The following PDCD1LG2 variants were observed in gnomAD, a reference collection of about 807,000 sequenced individuals.
The protein encoded by PDCD1LG2 is programmed cell death 1 ligand 2.
Under a neutral mutation model 28.2 loss-of-function variants are expected in PDCD1LG2, and 32 were observed. The observed-to-expected ratio is 1.13, with a 90% CI of 0.86 to 1.52. The LOEUF (loss-of-function observed/expected upper bound fraction) is 1.52. Among genes scored for constraint, PDCD1LG2 ranks in the 40% most tolerant of loss-of-function variants. The pLI is 0.00. For missense variants in PDCD1LG2, 385 were observed against 323.8 expected, an observed-to-expected ratio of 1.19 and a Z score of -1.45; for synonymous variants, 116 against 120.2, an observed-to-expected ratio of 0.97 and a Z score of 0.23.
intron 1 of PDCD1LG2, among the ~76,000 whole-genome samples, chr9:5,521,492 G>A (rs916517580): frequency 2.0e-5 from 3 of 151,918 alleles, no homozygotes; most frequent in South Asian, 2.1e-4. Flanking sequence ...CTCGCCAACA[G>A]ACCACTTCTC....
chr9:5,542,653 G>C (rs1265978075), intron 3 of PDCD1LG2, among the ~76,000 whole-genome samples: 1 of 152,132 alleles, frequency 6.6e-6, no homozygotes, highest in African/African-American at 2.4e-5. Flanking sequence ...CCTTACTCCT[G>C]CAAGAATGGC....
chr9:5,563,559 T>C (rs893386908), intron 6 of PDCD1LG2, among the ~76,000 whole-genome samples: 2 of 152,204 alleles, frequency 1.3e-5, no homozygotes, highest in African/African-American at 2.4e-5. Flanking sequence ...AAGAAGTACA[T>C]TGTTGTGGGC....
chr9:5,562,559 C>T (rs1052111311), intron 5 of PDCD1LG2, among the ~76,000 whole-genome samples: 5 of 152,070 alleles, frequency 3.3e-5, no homozygotes, highest in East Asian at 1.9e-4. Flanking sequence ...ATTTGGGTGA[C>T]GGGTGCACTA....
chr9:5,544,854 T>A (rs1323917004), intron 3 of PDCD1LG2, among the ~76,000 whole-genome samples: 2 of 152,240 alleles, frequency 1.3e-5, no homozygotes, highest in African/African-American at 4.8e-5. Context: ...ACTGATCTTA[T>A]GACCTTAGGT....
Position 5,570,830 on chromosome 9 carries a change from A to G in PDCD1LG2, c.*871A>G, listed in dbSNP as rs1348602313. 4.3e-6 allele frequency: 1 copy of G among 232,590 alleles called. No homozygotes were observed. Among genetic ancestry groups the G allele is most frequent in the African/African-American group, 2.2e-5 (1 of 45,278 alleles). 14.4% of individuals were successfully genotyped at this position (232,590 alleles called of 1,614,324 possible). ...TAAGCCTCCTTTTCTGGCCCTCAAT[A>G]TGACTTTAAATTTGACTTTTCAGTG... On this transcript the variant is annotated 3_prime_UTR_variant, in exon 7 of 7. Coordinates refer to ENST00000397747, the MANE Select transcript of PDCD1LG2 (RefSeq NM_025239.4).
rs1820551331 is a variant in PDCD1LG2, at chr9:5,534,923, G to A, written c.234G>A (p.Glu78=). The stretch of plus-strand genomic sequence containing the variant: ...GTGAAAGAGCCACTTTGCTGGAGGA[G>A]CAGCTGCCCCTAGGGAAGGCCTCGT... ...PHRERATLLE[E]QLPLGKASFH... The change falls in exon 3 of 7, where the codon GAG becomes GAA. Residue 78 remains glutamate (E), a synonymous_variant. Transcript: ENST00000397747. 1 of 1,614,010 alleles carries A rather than the reference G, an allele frequency of 6.2e-7. No individual in the cohort carries two copies. Among genetic ancestry groups the A allele is most frequent in the South Asian group, 1.1e-5 (1 of 91,080 alleles).
chr9:5,548,611 T>C (rs1816259246), intron 3 of PDCD1LG2, among the ~76,000 whole-genome samples: 1 of 152,200 alleles, frequency 6.6e-6, no homozygotes, highest in African/African-American at 2.4e-5. Flanking sequence ...GATCTCAGCT[T>C]TCTTGAGGCA....
chr9:5,566,471 C>T (rs903818354), intron 6 of PDCD1LG2, among the ~76,000 whole-genome samples: 2 of 152,120 alleles, frequency 1.3e-5, no homozygotes, highest in African/African-American at 2.4e-5. Context: ...ATAAGTGATG[C>T]GTGTTATTTC....
intron 4 of PDCD1LG2, among the ~76,000 whole-genome samples, chr9:5,550,040 G>A (rs1816298693): frequency 2.0e-5 from 3 of 152,290 alleles, no homozygotes; most frequent in African/African-American, 7.2e-5. Flanking sequence ...ACTTCTCAGG[G>A]CTCAGAGCAA....
intron 4 of PDCD1LG2, among the ~76,000 whole-genome samples, chr9:5,551,783 C>T (rs1407697005): frequency 1.3e-5 from 2 of 152,214 alleles, no homozygotes; most frequent in Admixed American, 1.3e-4. Context: ...GGAAATAAGG[C>T]AGGACTGCAC....
At position 5,535,061 on chromosome 9, in the gene PDCD1LG2, T is replaced by G. The variant is rs2129796962; in HGVS notation, c.361+11T>G. 6.3e-7 allele frequency: 1 copy of G among 1,589,692 alleles called. No homozygotes were observed. The highest frequency in any genetic ancestry group is 1.3e-5 in the African/African-American group (1 of 74,542). On this transcript the variant is annotated intron_variant, in intron 3 of 6. Coordinates refer to ENST00000397747, the MANE Select transcript of PDCD1LG2 (RefSeq NM_025239.4). ...CTCTGAAAGTCAAAGGTGAGTGGTG[T>G]CAAGGACTAGAATCCATGGAAGCAT... is the stretch of plus-strand genomic sequence containing the variant.
At position 5,570,971 on chromosome 9, in the gene PDCD1LG2, G is replaced by A. The variant is rs1563837004; in HGVS notation, c.*1012G>A. 4.3e-6 allele frequency: 1 copy of A among 232,568 alleles called. No homozygotes were observed. Among genetic ancestry groups the A allele is most frequent in the Non-Finnish European group, 8.5e-6 (1 of 117,750 alleles). The allele number at this position is 232,568 out of a possible 1,614,324, so 14.4% of individuals were successfully genotyped here. On this transcript the variant is annotated 3_prime_UTR_variant, in exon 7 of 7. Transcript: ENST00000397747. ...TATGTGTGGAGCAGAAGGGTAACTC[G>A]GCTACAGTAACAGCTTAATTTTGTT...
In PDCD1LG2 at chr9:5,534,968, A is replaced by C. The variant is rs771744653; in HGVS notation, c.279A>C (p.Gln93His). The stretch of plus-strand genomic sequence containing the variant: ...CCTCGTTCCACATACCTCAAGTCCA[A>C]GTGAGGGACGAAGGACAGTACCAAT... ...GKASFHIPQV[Q>H]VRDEGQYQCI... Residue 93 changes from glutamine to histidine, a missense_variant, in exon 3 of 7, where the codon CAA becomes CAC. Physicochemically the swap from Gln to His is conservative, Grantham distance 24. Transcript: ENST00000397747. The C allele has an allele frequency of 2.5e-6, 4 of 1,614,126 alleles. No homozygotes were observed. The highest frequency in any genetic ancestry group is 3.4e-6 in the Non-Finnish European group (4 of 1,179,990).
intron 6 of PDCD1LG2, among the ~76,000 whole-genome samples, chr9:5,566,227 A>C (rs1257356459): frequency 6.6e-6 from 1 of 152,154 alleles, no homozygotes; most frequent in African/African-American, 2.4e-5. Context: ...TTTTATTCAG[A>C]TGAATATTTT....
In PDCD1LG2 at chr9:5,571,029, C is replaced by G. The variant is rs1374963821; in HGVS notation, c.*1070C>G. The G allele has an allele frequency of 4.3e-6, 1 of 232,556 alleles. No homozygotes were observed. The highest frequency in any genetic ancestry group is 2.2e-5 in the African/African-American group (1 of 45,312). The allele number at this position is 232,556 out of a possible 1,614,324, so 14.4% of individuals were successfully genotyped here. A position where few individuals can be genotyped will look rare whatever the true frequency, so the allele number is the denominator to read the frequency against. On this transcript the variant is annotated 3_prime_UTR_variant, in exon 7 of 7. Coordinates refer to ENST00000397747, the MANE Select transcript of PDCD1LG2 (RefSeq NM_025239.4). ...TTCTTTATACTGGAGCCATGAAGCTCAGAGCATTAGCTGACCCTTGAACTA... is the reference window on the plus strand; with the variant it reads ...TTCTTTATACTGGAGCCATGAAGCTGAGAGCATTAGCTGACCCTTGAACTA...
At chr9:5,531,425 G>T (rs1053435470) in intron 2 of PDCD1LG2, among the ~76,000 whole-genome samples, 8 of 152,122 alleles carry the variant, frequency 5.3e-5, no homozygotes, top group Admixed American at 3.3e-4. Context: ...TAATCTTCTA[G>T]GTATTCTGAG....
intron 3 of PDCD1LG2, among the ~76,000 whole-genome samples, chr9:5,543,667 C>A (rs1424972845): frequency 6.6e-6 from 1 of 151,960 alleles, no homozygotes; most frequent in Non-Finnish European, 1.5e-5. Flanking sequence ...CTCTAAGGCC[C>A]AAGGAAAGCA....
chr9:5,529,275 T>G (rs771012366), intron 2 of PDCD1LG2, among the ~76,000 whole-genome samples: 2 of 152,222 alleles, frequency 1.3e-5, no homozygotes, highest in South Asian at 4.1e-4. Flanking sequence ...CTACACATTT[T>G]GTAGTTGTAT....
intron 3 of PDCD1LG2, among the ~76,000 whole-genome samples, chr9:5,542,646 T>C (rs370138310): frequency 2.0e-5 from 3 of 152,248 alleles, no homozygotes; most frequent in African/African-American, 7.2e-5. Flanking sequence ...GATACCACCT[T>C]ACTCCTGCAA....
Sources: gnomAD v4.1 joint callset for allele counts (sites outside exome capture counted in the v4.1 genomes callset) on GRCh38, gnomAD v4.1.1 for gene constraint, MANE v1.5 for transcripts, NCBI Gene and HGNC (gene_info 2026-07-23, HGNC 2026-07-21) for gene names.